FER: variants seen among roughly 807,000 people sequenced by gnomAD.
The protein encoded by FER is FER tyrosine kinase, also known as tyrosine-protein kinase Fer.
In FER, 63 loss-of-function variants were observed where a neutral mutation model predicts 111.0. The observed-to-expected ratio is 0.57, with a 90% CI of 0.46 to 0.70. The LOEUF (loss-of-function observed/expected upper bound fraction) is 0.70. Ranked by LOEUF, FER falls within the 30% of genes least tolerant of loss-of-function variation. FER has a pLI of 0.00. For missense variants in FER, 914 were observed against 954.0 expected (o/e 0.96, Z 0.55); for synonymous variants, 327 against 313.9 (o/e 1.04, Z -0.44).
chr5:108,805,423 G>A (rs981401979), intron 3 of FER, among the ~76,000 whole-genome samples: 6 of 152,096 alleles, frequency 3.9e-5, no homozygotes, highest in East Asian at 1.9e-4. Flanking sequence ...CAGTAGAGTG[G>A]GGCGTTGCTA....
At chr5:108,805,189 C>T (rs1429792449) in intron 3 of FER, among the ~76,000 whole-genome samples, 7 of 152,048 alleles carry the variant, frequency 4.6e-5, no homozygotes, top group Non-Finnish European at 8.8e-5. Context: ...GAATGAGTCT[C>T]ATGAGATCCG....
chr5:109,061,001 C>T (rs990344085), intron 16 of FER, among the ~76,000 whole-genome samples: 18 of 152,136 alleles, frequency 1.2e-4, no homozygotes, highest in Non-Finnish European at 2.2e-4. Context: ...TAACTCTATT[C>T]TAACCTGATA....
chr5:109,002,562 G>A (rs900573447), intron 13 of FER, among the ~76,000 whole-genome samples: 6 of 152,018 alleles, frequency 3.9e-5, no homozygotes, highest in African/African-American at 1.4e-4. Context: ...CATAGGCATG[G>A]GCAAGGACTT....
intron 13 of FER, among the ~76,000 whole-genome samples, chr5:109,024,074 A>G (rs1234168395): frequency 6.6e-6 from 1 of 152,164 alleles, no homozygotes; most frequent in African/African-American, 2.4e-5. Flanking sequence ...GAAAGAGGCC[A>G]TGTTGCTGAA....
chr5:108,990,121 TTAACA>T (rs1398464409), intron 13 of FER, among the ~76,000 whole-genome samples: 1 of 152,008 alleles, frequency 6.6e-6, no homozygotes, highest in Admixed American at 6.5e-5. Flanking sequence ...AAGCAGCTTC[TTAACA>T]TTAGTGTATA....
At chr5:109,147,840 A>G (rs2126673411) in intron 17 of FER, among the ~76,000 whole-genome samples, 1 of 150,146 alleles carries the variant, frequency 6.7e-6, no homozygotes, top group South Asian at 2.1e-4. Context: ...GAGACAGAGA[A>G]ATACTAGTGA....
intron 17 of FER, among the ~76,000 whole-genome samples, chr5:109,161,286 G>A (rs750906165): frequency 6.6e-6 from 1 of 151,958 alleles, no homozygotes; most frequent in Non-Finnish European, 1.5e-5. Context: ...AAGTTCAGGG[G>A]TATATGTGCA....
chr5:109,016,307 C>A (rs560420544), intron 13 of FER, among the ~76,000 whole-genome samples: 4 of 152,014 alleles, frequency 2.6e-5, no homozygotes, highest in Admixed American at 2.6e-4. Context: ...GATGACAAGG[C>A]CAGGTGACAG....
intron 5 of FER, among the ~76,000 whole-genome samples, chr5:108,844,002 G>A (rs1761549068): frequency 6.6e-6 from 1 of 151,254 alleles, no homozygotes; most frequent in South Asian, 2.1e-4. Flanking sequence ...CTCTTTCTAT[G>A]TATATATATA....
At chr5:108,979,802 C>T (rs924189773) in intron 13 of FER, among the ~76,000 whole-genome samples, 3 of 152,002 alleles carry the variant, frequency 2.0e-5, no homozygotes, top group African/African-American at 7.2e-5. Flanking sequence ...TTTAGTGTGA[C>T]ATTGCCTTTT....
chr5:108,931,477 A>G (rs1166986993), intron 10 of FER, among the ~76,000 whole-genome samples: 1 of 152,164 alleles, frequency 6.6e-6, no homozygotes, highest in Non-Finnish European at 1.5e-5. Context: ...TTAGTGTTTT[A>G]TCTTTAATGA....
intron 9 of FER, among the ~76,000 whole-genome samples, chr5:108,888,215 T>C (rs1268123052): frequency 6.6e-6 from 1 of 151,868 alleles, no homozygotes; most frequent in Non-Finnish European, 1.5e-5. Flanking sequence ...CTCAGAGTTT[T>C]AGAATTATGT....
intron 16 of FER, among the ~76,000 whole-genome samples, chr5:109,093,881 G>A (rs1304397927): frequency 6.6e-6 from 1 of 152,022 alleles, no homozygotes; most frequent in African/African-American, 2.4e-5. Flanking sequence ...GGGGGGTTTC[G>A]AGCCAACATA....
intron 5 of FER, among the ~76,000 whole-genome samples, chr5:108,836,486 C>G (rs965691013): frequency 3.1e-4 from 47 of 152,074 alleles, no homozygotes; most frequent in African/African-American, 1.1e-3. Flanking sequence ...GCCTAAACCA[C>G]TCATATTTAT....
chr5:109,022,063 C>T (rs1018618992), intron 13 of FER, among the ~76,000 whole-genome samples: 1 of 152,104 alleles, frequency 6.6e-6, no homozygotes, highest in Non-Finnish European at 1.5e-5. Context: ...TCCATTTTGG[C>T]AGTCTACCAG....
At chr5:109,067,863 T>C (rs1281433485) in intron 16 of FER, among the ~76,000 whole-genome samples, 4 of 152,180 alleles carry the variant, frequency 2.6e-5, no homozygotes, top group Admixed American at 6.5e-5. Context: ...CTAGAAAATA[T>C]AGTGGCTCCC....
At chr5:108,865,950 G>A (rs1015665494) in intron 5 of FER, among the ~76,000 whole-genome samples, 3 of 152,176 alleles carry the variant, frequency 2.0e-5, no homozygotes. Context: ...GTGCTGGAGA[G>A]GATGTGGAGA....
intron 2 of FER, among the ~76,000 whole-genome samples, chr5:108,771,477 G>A (rs1752893650): frequency 6.6e-6 from 1 of 151,982 alleles, no homozygotes; most frequent in Non-Finnish European, 1.5e-5. Flanking sequence ...CCTTTAGCTG[G>A]GACCTAGAGA....
intron 3 of FER, among the ~76,000 whole-genome samples, chr5:108,804,434 CA>C (rs1330280319): frequency 6.6e-6 from 1 of 152,110 alleles, no homozygotes; most frequent in African/African-American, 2.4e-5. Flanking sequence ...ATAGCTCAAG[CA>C]TTTGCCGTTC....
Sources: gnomAD v4.1 joint callset for allele counts (sites outside exome capture counted in the v4.1 genomes callset) on GRCh38, gnomAD v4.1.1 for gene constraint, MANE v1.5 for transcripts, NCBI Gene and HGNC (gene_info 2026-07-23, HGNC 2026-07-21) for gene names.